Variants in KLF12 observed in about 807,000 individuals in gnomAD.
KLF12 encodes the protein KLF transcription factor 12.
A neutral mutation model predicts 37.8 loss-of-function variants in KLF12; 9 were observed. That is an observed-to-expected ratio of 0.24 (90% confidence interval 0.14 to 0.42). The LOEUF (loss-of-function observed/expected upper bound fraction) is 0.42, where lower values mean the gene tolerates loss of function less well. Ranked by LOEUF, KLF12 falls within the 10% of genes least tolerant of loss-of-function variation. The pLI is 1.00. For synonymous variants in KLF12, 208 were observed against 202.1 expected, an observed-to-expected ratio of 1.03 and a Z score of -0.25; for missense variants, 411 against 516.0, an observed-to-expected ratio of 0.80 and a Z score of 1.97.
chr13:74,088,902 G>A (rs1283564156), intron 1 of KLF12, among the ~76,000 whole-genome samples: 1 of 151,792 alleles, frequency 6.6e-6, no homozygotes, highest in Non-Finnish European at 1.5e-5. Context: ...TGCATAACAG[G>A]ATGTTTCAAG....
chr13:74,048,543 C>T (rs1893607591), intron 1 of KLF12, among the ~76,000 whole-genome samples: 1 of 152,108 alleles, frequency 6.6e-6, no homozygotes, highest in South Asian at 2.1e-4. Flanking sequence ...CCTAATTTCA[C>T]ATTTTAGACC....
chr13:74,120,124 T>C (rs1223351753), intron 1 of KLF12, among the ~76,000 whole-genome samples: 1 of 152,112 alleles, frequency 6.6e-6, no homozygotes, highest in African/African-American at 2.4e-5. Flanking sequence ...AACCAAAGCA[T>C]ATAGATACCT....
chr13:73,900,216 A>G lies in KLF12; in HGVS notation c.123+43765T>C, dbSNP rs1212156195. ...GTCGTCATAAGGGATTTAGCATACA[A>G]GAAAATTAAATTATCCAAGGAAGAC... is the stretch of plus-strand genomic sequence containing the variant. On this transcript the variant is annotated intron_variant, in intron 3 of 7. Transcript: ENST00000377669. Among the ~76,000 whole-genome samples, 4 of 152,340 alleles carry G rather than the reference A, an allele frequency of 2.6e-5. No individual in the cohort carries two copies. The East Asian group carries it at 7.7e-4, about 29-fold the overall frequency.
chr13:74,199,874 C>G, the KLF12 span, among the ~76,000 whole-genome samples: 1 of 152,094 alleles, frequency 6.6e-6, no homozygotes, highest in Non-Finnish European at 1.5e-5. Context: ...GAGACTTCAT[C>G]TTAGCAATCC....
intron 5 of KLF12, among the ~76,000 whole-genome samples, chr13:73,776,972 C>T (rs1429735004): frequency 3.3e-5 from 5 of 151,978 alleles, no homozygotes. Context: ...GGGAAGTATA[C>T]AATAGTCTCA....
intron 7 of KLF12, among the ~76,000 whole-genome samples, chr13:73,702,265 T>G (rs1874614882): frequency 6.6e-6 from 1 of 152,226 alleles, no homozygotes; most frequent in South Asian, 2.1e-4. Context: ...TCAATTTTGG[T>G]TAAAGAAAAG....
intron 3 of KLF12, among the ~76,000 whole-genome samples, chr13:73,867,418 A>G (rs986522286): frequency 6.6e-6 from 1 of 151,706 alleles, no homozygotes; most frequent in Non-Finnish European, 1.5e-5. Flanking sequence ...GTGTGTGTAT[A>G]TATATATATA....
At chr13:73,984,718 C>T (rs960657419) in intron 2 of KLF12, among the ~76,000 whole-genome samples, 16 of 152,222 alleles carry the variant, frequency 1.1e-4, no homozygotes, top group African/African-American at 2.9e-4. Flanking sequence ...TCCCCTCATT[C>T]TGTTTCTCTT....
At chr13:73,726,798 C>T (rs889534692) in intron 6 of KLF12, among the ~76,000 whole-genome samples, 2 of 152,180 alleles carry the variant, frequency 1.3e-5, no homozygotes, top group Non-Finnish European at 2.9e-5. Flanking sequence ...CTCTTGGTTA[C>T]ATACCTAAGA....
At chr13:73,804,146 C>T (rs566243293) in intron 5 of KLF12, among the ~76,000 whole-genome samples, 26 of 152,318 alleles carry the variant, frequency 1.7e-4, no homozygotes, top group African/African-American at 6.0e-4. Context: ...CTTATACACT[C>T]TTCCACATGC....
At chr13:74,145,128 C>T in the KLF12 span, among the ~76,000 whole-genome samples, 2 of 152,010 alleles carry the variant, frequency 1.3e-5, no homozygotes, top group Non-Finnish European at 2.9e-5. Flanking sequence ...TAACAGGCAA[C>T]ATTTTCTTGG....
chr13:73,980,238 A>C (rs1891656876), intron 2 of KLF12, among the ~76,000 whole-genome samples: 1 of 152,194 alleles, frequency 6.6e-6, no homozygotes, highest in African/African-American at 2.4e-5. Context: ...TTAAAAATTG[A>C]ATTTTAAGTT....
At chr13:74,114,670 C>A (rs1424568458) in intron 1 of KLF12, among the ~76,000 whole-genome samples, 1 of 152,076 alleles carries the variant, frequency 6.6e-6, no homozygotes, top group Non-Finnish European at 1.5e-5. Context: ...TGAGATATGG[C>A]AGCATCAAGT....
intron 2 of KLF12, among the ~76,000 whole-genome samples, chr13:73,978,279 G>A (rs967757320): frequency 5.9e-5 from 9 of 152,008 alleles, no homozygotes; most frequent in African/African-American, 1.5e-4. Flanking sequence ...AAAAAAAAGA[G>A]TGTAAAAAAA....
chr13:73,953,772 G>A (rs914749242), intron 2 of KLF12, among the ~76,000 whole-genome samples: 2 of 151,772 alleles, frequency 1.3e-5, no homozygotes, highest in African/African-American at 4.8e-5. Flanking sequence ...TGCATAGCCT[G>A]GAAAAAAATA....
intron 3 of KLF12, among the ~76,000 whole-genome samples, chr13:73,900,988 C>T (rs576063013): frequency 5.9e-5 from 9 of 152,264 alleles, no homozygotes; most frequent in African/African-American, 2.2e-4. Context: ...TCCAGGGTAA[C>T]TTAATTTCAA....
At chr13:73,700,819 TGA>T (rs2137578373) in intron 7 of KLF12, among the ~76,000 whole-genome samples, 1 of 152,314 alleles carries the variant, frequency 6.6e-6, no homozygotes, top group African/African-American at 2.4e-5. Context: ...ACCAAAAATT[TGA>T]GTAGCTACTG....
rs1413109411 is a variant in KLF12, at chr13:73,771,600, A to C, written c.807-6600T>G. 2.0e-5 allele frequency among the ~76,000 whole-genome samples: 3 copies of C among 152,260 alleles called. No homozygotes were observed. The East Asian group carries it at 5.8e-4, about 29-fold the overall frequency. The stretch of plus-strand genomic sequence containing the variant: ...GCACCTAAAGCATCAGTAATTGAAC[A>C]TTATTAATTCAATCCAACAAACTTC... On this transcript the variant is annotated intron_variant, in intron 5 of 7. Coordinates refer to ENST00000377669, the MANE Select transcript of KLF12 (RefSeq NM_007249.5).
the KLF12 span, chr13:74,289,310 G>C: frequency 6.6e-6 from 1 of 152,134 alleles, no homozygotes; most frequent in South Asian, 2.1e-4. Context: ...TGGTGACATC[G>C]TCGTTAATGT....
Sources: allele counts gnomAD v4.1 joint callset (sites outside exome capture counted in the v4.1 genomes callset), GRCh38; gene constraint gnomAD v4.1.1; transcripts MANE v1.5; gene names NCBI Gene and HGNC (gene_info 2026-07-23, HGNC 2026-07-21).